Variants in ACER2 observed in about 807,000 individuals in gnomAD.
ACER2 encodes alkCDase 2.
ACER2 carries 26 observed loss-of-function variants against 34.7 expected under a neutral mutation model. That is an observed-to-expected ratio of 0.75 (90% CI 0.55 to 1.04). The LOEUF (loss-of-function observed/expected upper bound fraction) is 1.04. Among genes scored for constraint, ACER2 ranks in the 50% least tolerant of loss-of-function variants. The pLI, the probability that ACER2 is intolerant of heterozygous loss-of-function variation, is 0.00. For missense variants in ACER2, 352 were observed against 340.8 expected, an observed-to-expected ratio of 1.03 and a Z score of -0.26; for synonymous variants, 138 against 132.1, an observed-to-expected ratio of 1.04 and a Z score of -0.31.
rs2132542703 is a variant in ACER2 at position 19,452,044 on chromosome 9, A to G, written c.*1408A>G. Reference sequence around the variant, plus strand: ...TTGCCTTCTGAATTTTTCTCACCTAATGTGACACTGGCTACAATGAATCTT... The same window carrying G: ...TTGCCTTCTGAATTTTTCTCACCTAGTGTGACACTGGCTACAATGAATCTT... On this transcript the variant is annotated 3_prime_UTR_variant, in exon 6 of 6. Coordinates refer to ENST00000340967, the MANE Select transcript of ACER2 (RefSeq NM_001010887.3). 6.5e-6 allele frequency: 1 copy of G among 152,712 alleles called. No homozygotes were observed. The highest frequency in any genetic ancestry group is 2.4e-5 in the African/African-American group (1 of 41,562). 9.5% of individuals were successfully genotyped at this position (152,712 alleles called of 1,614,324 possible).
At chr9:19,448,688 C>A (rs1831458346) in intron 5 of ACER2, among the ~76,000 whole-genome samples, 1 of 152,180 alleles carries the variant, frequency 6.6e-6, no homozygotes, top group Non-Finnish European at 1.5e-5. Flanking sequence ...ACTCTTAAAT[C>A]TCCATTAACC....
At chr9:19,449,558 T>C (rs890501289) in intron 5 of ACER2, among the ~76,000 whole-genome samples, 3 of 152,150 alleles carry the variant, frequency 2.0e-5, no homozygotes, top group Admixed American at 2.0e-4. Context: ...TTTAAAAAGA[T>C]CCCCTCCTCC....
At position 19,426,233 on chromosome 9, in the gene ACER2, A is replaced by ATTTT. The variant is rs1563878667; in HGVS notation, c.365+1392_365+1393insTTTT. Among the ~76,000 whole-genome samples, 197 of 145,256 alleles carry ATTTT rather than the reference A, an allele frequency of 1.4e-3. 1 individual carries two copies. Among genetic ancestry groups the ATTTT allele is most frequent in the African/African-American group, 4.2e-3 (163 of 38,704 alleles). On this transcript the variant is annotated intron_variant, in intron 3 of 5. Transcript: ENST00000340967. ...GAACTGGTTGACTTTTTTTTTAAAA[A>ATTTT]AAAAAAAACAAAATTAACACATTAA...
chr9:19,414,898 C>T (rs1416212233), intron 1 of ACER2, among the ~76,000 whole-genome samples: 1 of 150,338 alleles, frequency 6.7e-6, no homozygotes, highest in Non-Finnish European at 1.5e-5. Flanking sequence ...ACAATTTCAG[C>T]GACCAATACA....
rs1250033728 is a variant in ACER2, at chr9:19,433,729, G to A, written c.366-1218G>A. 1.2e-3 allele frequency among the ~76,000 whole-genome samples: 184 copies of A among 151,866 alleles called. 2 individuals are homozygous for A. The highest frequency in any genetic ancestry group is 5.9e-4 in the Admixed American group (9 of 15,292). ...GGGCTCCTCACTTCCCAGTAGGGGCGGCCGGGCAGAGGCACCCCTCACCTC... is the reference window on the plus strand; with the variant it reads ...GGGCTCCTCACTTCCCAGTAGGGGCAGCCGGGCAGAGGCACCCCTCACCTC... On this transcript the variant is annotated intron_variant, in intron 3 of 5. Transcript: ENST00000340967.
At chr9:19,426,448 G>A (rs1034685334) in intron 3 of ACER2, among the ~76,000 whole-genome samples, 1 of 137,764 alleles carries the variant, frequency 7.3e-6, no homozygotes. Context: ...TGTCTTGAAA[G>A]ATACCCACCA....
chr9:19,445,714 G>A (rs189500714), intron 4 of ACER2, among the ~76,000 whole-genome samples: 21 of 152,322 alleles, frequency 1.4e-4, no homozygotes, highest in Admixed American at 1.2e-3. Context: ...GAGTACACAC[G>A]AGAGGAGGTG....
intron 3 of ACER2, 93 bp downstream of exon 3, chr9:19,424,934 T>C (rs1563877953): frequency 1.3e-6 from 2 of 1,488,908 alleles, no homozygotes; most frequent in Non-Finnish European, 1.8e-6. Flanking sequence ...ATGATTGAAC[T>C]CAGCCTAGTG....
chr9:19,452,130 TCAA>T lies in ACER2; in HGVS notation c.*1496_*1498del, dbSNP rs1428073188. 1 of 152,684 alleles carries T rather than the reference TCAA, an allele frequency of 6.5e-6. No homozygotes were observed. The highest frequency in any genetic ancestry group is 2.4e-5 in the African/African-American group (1 of 41,474). 9.5% of individuals were successfully genotyped at this position (152,684 alleles called of 1,614,324 possible). A position where few individuals can be genotyped will look rare whatever the true frequency, so the allele number is the denominator to read the frequency against. On this transcript the variant is annotated 3_prime_UTR_variant, in exon 6 of 6. Coordinates refer to ENST00000340967, the MANE Select transcript of ACER2 (RefSeq NM_001010887.3). ...TCTTCAAGGTGCATGGTGGGAATTA[TCAA>T]CCTCAGGGATACTCATTTTAACTCA...
chr9:19,411,933 T>C (rs1830098574), intron 1 of ACER2, among the ~76,000 whole-genome samples: 1 of 152,156 alleles, frequency 6.6e-6, no homozygotes, highest in Non-Finnish European at 1.5e-5. Flanking sequence ...TTATATCCAT[T>C]TGATAAAGAT....
At chr9:19,444,274 C>T (rs1186170115) in intron 4 of ACER2, among the ~76,000 whole-genome samples, 5 of 149,816 alleles carry the variant, frequency 3.3e-5, no homozygotes, top group Non-Finnish European at 5.9e-5. Context: ...TGCAGTGGCG[C>T]GATCTCGGCT....
intron 5 of ACER2, 22 bp downstream of exon 5, chr9:19,446,440 G>A (rs1831366733): frequency 6.2e-7 from 1 of 1,613,892 alleles, no homozygotes; most frequent in Non-Finnish European, 8.5e-7. Flanking sequence ...CTAATGGGGA[G>A]GTGGCCGGGG....
At chr9:19,428,199 C>T (rs1307796014) in intron 3 of ACER2, among the ~76,000 whole-genome samples, 1 of 151,040 alleles carries the variant, frequency 6.6e-6, no homozygotes, top group Non-Finnish European at 1.5e-5. Flanking sequence ...CAGAGTTTCA[C>T]TCTTATTGCC....
At position 19,450,525 on chromosome 9, in the gene ACER2, T is replaced by C; in HGVS notation, c.717T>C (p.Pro239=). The C allele has an allele frequency of 6.2e-7, 1 of 1,612,630 alleles. No individual in the cohort carries two copies. Among genetic ancestry groups the C allele is most frequent in the Non-Finnish European group, 8.5e-7 (1 of 1,178,806 alleles). ...FAYFDAASEI[P]EQGPVIKFWP... is the part of the protein sequence containing the mutation. ...ACTTTGATGCTGCCTCAGAGATTCCTGAGCAAGGCCCTGTCATCAAGTTCT... is the reference window on the plus strand; with the variant it reads ...ACTTTGATGCTGCCTCAGAGATTCCCGAGCAAGGCCCTGTCATCAAGTTCT... The change falls in exon 6 of 6, where the codon CCT becomes CCC. Residue 239 remains proline, a synonymous_variant. Transcript: ENST00000340967.
intron 4 of ACER2, among the ~76,000 whole-genome samples, chr9:19,435,574 T>C (rs1265419272): frequency 6.6e-6 from 1 of 152,168 alleles, no homozygotes; most frequent in African/African-American, 2.4e-5. Context: ...GCATTTTCTT[T>C]TGGGAACTTG....
intron 1 of ACER2, among the ~76,000 whole-genome samples, chr9:19,422,925 G>A (rs982905364): frequency 6.6e-6 from 1 of 151,410 alleles, no homozygotes; most frequent in African/African-American, 2.4e-5. Flanking sequence ...CCAACTACTC[G>A]GGAGGCTGAG....
At chr9:19,424,107 CTT>C in intron 2 of ACER2, 131 bp downstream of exon 2, 1 of 888,120 alleles carries the variant, frequency 1.1e-6, no homozygotes, top group South Asian at 1.6e-5. Context: ...TCTTAGCAAA[CTT>C]TTTTTTCCCA....
chr9:19,426,431 C>T (rs1830575109), intron 3 of ACER2, among the ~76,000 whole-genome samples: 1 of 148,888 alleles, frequency 6.7e-6, no homozygotes, highest in East Asian at 2.1e-4. Context: ...CCTTCCCCTT[C>T]CCCTCCTGTC....
chr9:19,435,822 G>T (rs1420199211), intron 4 of ACER2, among the ~76,000 whole-genome samples: 2 of 151,818 alleles, frequency 1.3e-5, no homozygotes, highest in African/African-American at 4.8e-5. Flanking sequence ...GGCCGAGGAG[G>T]GCGGATCACG....
Sources: allele counts gnomAD v4.1 joint callset (sites outside exome capture counted in the v4.1 genomes callset), GRCh38; gene constraint gnomAD v4.1.1; transcripts MANE v1.5; gene names NCBI Gene and HGNC (gene_info 2026-07-23, HGNC 2026-07-21).